PARP8: variants seen among roughly 807,000 people sequenced by gnomAD.
PARP8 encodes protein mono-ADP-ribosyltransferase PARP8.
A neutral mutation model predicts 124.1 loss-of-function variants in PARP8; 51 were observed. That is an observed-to-expected ratio of 0.41 (90% CI 0.33 to 0.52). The LOEUF (loss-of-function observed/expected upper bound fraction) is 0.52, where lower values mean the gene tolerates loss of function less well. Among genes scored for constraint, PARP8 ranks in the 20% least tolerant of loss-of-function variants. PARP8 has a pLI of 0.21. For missense variants in PARP8, 860 were observed against 1,018.9 expected (o/e 0.84, Z 2.12); for synonymous variants, 391 against 361.5 (o/e 1.08, Z -0.93).
At chr5:50,723,668 A>G (rs755308900) in intron 2 of PARP8, among the ~76,000 whole-genome samples, 10 of 152,112 alleles carry the variant, frequency 6.6e-5, no homozygotes, top group Middle Eastern at 3.2e-3. Flanking sequence ...GGTATGTAGA[A>G]AGAACATCAA....
intron 2 of PARP8, among the ~76,000 whole-genome samples, chr5:50,727,369 G>T (rs1438319481): frequency 1.3e-5 from 2 of 152,026 alleles, no homozygotes; most frequent in African/African-American, 4.8e-5. Flanking sequence ...CGGACTTGGT[G>T]TTCTTTTGAA....
intron 7 of PARP8, among the ~76,000 whole-genome samples, chr5:50,774,144 A>C (rs1393997202): frequency 1.3e-5 from 2 of 152,176 alleles, no homozygotes; most frequent in African/African-American, 4.8e-5. Context: ...TCAGAGAGCA[A>C]GGGGTTGGGG....
At chr5:50,747,571 C>T (rs1250592576) in intron 2 of PARP8, among the ~76,000 whole-genome samples, 1 of 151,824 alleles carries the variant, frequency 6.6e-6, no homozygotes, top group Admixed American at 6.6e-5. Flanking sequence ...TAGGTACATA[C>T]ACATTTATGA....
intron 10 of PARP8, among the ~76,000 whole-genome samples, chr5:50,793,378 T>C (rs188789682): frequency 6.6e-6 from 1 of 152,316 alleles, no homozygotes; most frequent in African/African-American, 2.4e-5. Context: ...GCCACTGCCA[T>C]GTGGAAAATG....
chr5:50,754,150 T>TATATATATATATACAC (rs1312947286), intron 3 of PARP8, among the ~76,000 whole-genome samples: 6 of 37,198 alleles, frequency 1.6e-4, no homozygotes, highest in African/African-American at 7.3e-4. Context: ...TATATATATA[T>TATATATATATATACAC]ACACACACAC....
intron 2 of PARP8, among the ~76,000 whole-genome samples, chr5:50,708,336 T>C (rs1339969972): frequency 2.0e-5 from 3 of 152,146 alleles, no homozygotes; most frequent in Non-Finnish European, 4.4e-5. Context: ...CTGGATGCCA[T>C]ATTCTTCTTG....
intron 3 of PARP8, among the ~76,000 whole-genome samples, chr5:50,754,842 C>T (rs375698376): frequency 6.6e-6 from 1 of 152,028 alleles, no homozygotes. Context: ...CTCTCCAGCA[C>T]CTGTTGTTTC....
chr5:50,742,928 T>C (rs1006235415), intron 2 of PARP8, among the ~76,000 whole-genome samples: 2 of 152,102 alleles, frequency 1.3e-5, no homozygotes, highest in Admixed American at 6.5e-5. Flanking sequence ...TCTAAAATCA[T>C]GGGAAGATGA....
intron 23 of PARP8, chr5:50,833,282 T>G: frequency 3.2e-6 from 1 of 309,906 alleles, no homozygotes; most frequent in Non-Finnish European, 6.4e-6. Flanking sequence ...AATGGGATGG[T>G]CAGGAAAGGA....
Position 50,689,142 on chromosome 5 carries a change from C to T in PARP8, c.146+21017C>T, listed in dbSNP as rs150935168. Reference sequence around the variant, plus strand: ...CTTTCTGGGAAAGAGATCCTTAATCCACCTGTTATTTGAGGTGTGATTTTC... The same window carrying T: ...CTTTCTGGGAAAGAGATCCTTAATCTACCTGTTATTTGAGGTGTGATTTTC... On this transcript the variant is annotated intron_variant, in intron 2 of 25. Transcript: ENST00000281631. 4.9e-3 allele frequency among the ~76,000 whole-genome samples: 738 copies of T among 150,346 alleles called. 3 individuals carry two copies. The highest frequency in any genetic ancestry group is 7.8e-3 in the Non-Finnish European group (531 of 67,802).
intron 7 of PARP8, among the ~76,000 whole-genome samples, chr5:50,777,720 A>G (rs1352769596): frequency 1.3e-5 from 2 of 152,168 alleles, no homozygotes; most frequent in East Asian, 3.9e-4. Flanking sequence ...TCTTGTCTTC[A>G]GAAGCAGCTC....
At chr5:50,830,257 G>C (rs974695319) in intron 22 of PARP8, among the ~76,000 whole-genome samples, 1 of 152,010 alleles carries the variant, frequency 6.6e-6, no homozygotes, top group Admixed American at 6.6e-5. Flanking sequence ...ACTATGTAGG[G>C]CACTGAGAAG....
Position 50,828,382 on chromosome 5 carries a change from C to A in PARP8, c.2161C>A (p.Gln721Lys), listed in dbSNP as rs751961265. 1 of 1,610,852 alleles carries A rather than the reference C, an allele frequency of 6.2e-7. No homozygotes were observed. The highest frequency in any genetic ancestry group is 8.5e-7 in the Non-Finnish European group (1 of 1,177,538). Residue 721 changes from glutamine (Q) to lysine (K), a missense_variant and splice_region_variant, in exon 21 of 26, where the codon CAG becomes AAG. Gln to Lys is a moderately conservative substitution (Grantham distance 53). Coordinates refer to ENST00000281631, the MANE Select transcript of PARP8 (RefSeq NM_024615.4). The stretch of plus-strand genomic sequence containing the variant: ...GGTTGTTGCTTCTAATACACGATTG[C>A]AGGTAGATTTTCTGAATGCTTTCAC... ...GLVVASNTRL[Q>K]LHGAMYGSGI...
At chr5:50,818,332 G>T (rs138234982) in intron 15 of PARP8, among the ~76,000 whole-genome samples, 1 of 151,978 alleles carries the variant, frequency 6.6e-6, no homozygotes, top group Non-Finnish European at 1.5e-5. Flanking sequence ...GGGTTCAAGC[G>T]ATTCTCCTGC....
chr5:50,816,203 T>A (rs1381847438), intron 15 of PARP8, among the ~76,000 whole-genome samples: 2 of 152,164 alleles, frequency 1.3e-5, no homozygotes, highest in African/African-American at 2.4e-5. Flanking sequence ...CCCAAATGGA[T>A]CAAATTATGA....
At position 50,760,374 on chromosome 5, in the gene PARP8, A is replaced by T. The variant is rs751598703; in HGVS notation, c.345+12A>T. The stretch of plus-strand genomic sequence containing the variant: ...AGGAAAATGGGGAGGTATGTAAATT[A>T]TATTTTTTATTTTCTTGAAACAGTA... On this transcript the variant is annotated intron_variant, in intron 5 of 25. Transcript: ENST00000281631. The T allele has an allele frequency of 6.7e-7, 1 of 1,493,988 alleles. No individual in the cohort carries two copies. The highest frequency in any genetic ancestry group is 9.1e-7 in the Non-Finnish European group (1 of 1,097,746). 92.5% of individuals were successfully genotyped at this position (1,493,988 alleles called of 1,614,324 possible).
intron 7 of PARP8, among the ~76,000 whole-genome samples, chr5:50,763,795 T>C (rs1760792939): frequency 6.6e-6 from 1 of 152,200 alleles, no homozygotes; most frequent in Non-Finnish European, 1.5e-5. Flanking sequence ...TTTTTCTCCT[T>C]AATGTAAGAA....
At chr5:50,771,233 C>T (rs1322486454) in intron 7 of PARP8, among the ~76,000 whole-genome samples, 1 of 151,962 alleles carries the variant, frequency 6.6e-6, no homozygotes, top group East Asian at 1.9e-4. Flanking sequence ...GATCTTGGCT[C>T]ACTGCAACCT....
chr5:50,778,015 C>T, intron 7 of PARP8, 54 bp from the exon 8 acceptor site: 1 of 1,324,878 alleles, frequency 7.5e-7, no homozygotes, highest in Non-Finnish European at 1.1e-6. Flanking sequence ...CTAACACACA[C>T]CATCTTTTAA....
Sources: allele counts gnomAD v4.1 joint callset (sites outside exome capture counted in the v4.1 genomes callset), GRCh38; gene constraint gnomAD v4.1.1; transcripts MANE v1.5; gene names NCBI Gene and HGNC (gene_info 2026-07-23, HGNC 2026-07-21).